The following CD226 variants were observed in gnomAD, a reference collection of about 807,000 sequenced individuals.
CD226 encodes the protein CD226 antigen.
CD226 carries 24 observed loss-of-function variants against 34.9 expected under a neutral mutation model. The observed-to-expected ratio is 0.69, with a 90% CI of 0.50 to 0.97. The LOEUF (loss-of-function observed/expected upper bound fraction) is 0.97. Ranked by LOEUF, CD226 falls within the 50% of genes least tolerant of loss-of-function variation. CD226 has a pLI of 0.00. For synonymous variants in CD226, 148 were observed against 147.4 expected (o/e 1.00, Z -0.03); for missense variants, 397 against 412.7 (o/e 0.96, Z 0.33).
chr18:69,878,881 G>C (rs1436255757), intron 3 of CD226, among the ~76,000 whole-genome samples: 2 of 152,100 alleles, frequency 1.3e-5, no homozygotes, highest in South Asian at 4.1e-4. Flanking sequence ...ATAATTCAAT[G>C]TAGGTTCTTT....
At position 69,859,105 on chromosome 18, in the gene CD226, A is replaced by G. The variant is rs1982700686; in HGVS notation, c.*5209T>C. The G allele has an allele frequency of 6.6e-6, 1 of 152,172 alleles. No homozygotes were observed. Among genetic ancestry groups the G allele is most frequent in the South Asian group, 2.1e-4 (1 of 4,820 alleles). 9.4% of individuals were successfully genotyped at this position (152,172 alleles called of 1,614,324 possible). On this transcript the variant is annotated 3_prime_UTR_variant, in exon 6 of 6. Coordinates refer to ENST00000582621, the MANE Select transcript of CD226 (RefSeq NM_001303618.2). ...CGTTAAACATTTACAACACGGAAAC[A>G]CATGTCCTTTTGTTCTGGAAAATGT...
upstream of CD226, among the ~76,000 whole-genome samples, chr18:69,952,068 TATCCACAATG>T (rs2055858934): frequency 6.6e-6 from 1 of 152,332 alleles, no homozygotes; most frequent in South Asian, 2.1e-4. Flanking sequence ...CTGTGGTATA[TATCCACAATG>T]GAATACTACA....
chr18:69,891,012 C>T (rs1309276248), intron 3 of CD226, among the ~76,000 whole-genome samples: 1 of 109,120 alleles, frequency 9.2e-6, no homozygotes, highest in Non-Finnish European at 1.8e-5. Context: ...CAGACAAAGA[C>T]ACCACAAAAA....
rs147765877 is a variant in CD226, at chr18:69,927,363, TACAC to T, written c.382+19367_382+19370del. Among the ~76,000 whole-genome samples the T allele has an allele frequency of 4.5e-4, 66 of 147,626 alleles. 1 individual carries two copies. The highest frequency in any genetic ancestry group is 1.2e-3 in the African/African-American group (49 of 40,788). ...TAGCAGCCTGAACAGACTAAGACAC[TACAC>T]ACACACACACACACACACACAAACA... On this transcript the variant is annotated intron_variant, in intron 2 of 5. Coordinates refer to ENST00000582621, the MANE Select transcript of CD226 (RefSeq NM_001303618.2).
chr18:69,919,362 C>T (rs1164087028), intron 2 of CD226, among the ~76,000 whole-genome samples: 1 of 152,056 alleles, frequency 6.6e-6, no homozygotes, highest in African/African-American at 2.4e-5. Context: ...AAAAAACTGA[C>T]CGTTTACATA....
At chr18:69,909,095 T>A (rs2055292327) in intron 2 of CD226, among the ~76,000 whole-genome samples, 1 of 152,240 alleles carries the variant, frequency 6.6e-6, no homozygotes, top group Non-Finnish European at 1.5e-5. Flanking sequence ...TTGTGTTGTT[T>A]TTTATTTGTT....
intron 2 of CD226, among the ~76,000 whole-genome samples, chr18:69,917,945 C>T (rs1253405702): frequency 6.6e-6 from 1 of 152,150 alleles, no homozygotes; most frequent in Non-Finnish European, 1.5e-5. Context: ...GAGCCCCTGG[C>T]TCTAAAACCT....
At chr18:69,927,464 T>G (rs1049573771) in intron 2 of CD226, among the ~76,000 whole-genome samples, 1 of 152,090 alleles carries the variant, frequency 6.6e-6, no homozygotes, top group Non-Finnish European at 1.5e-5. Context: ...ATATTCACAT[T>G]GTTGTATACC....
At chr18:69,949,466 A>G (rs991536433), upstream of CD226, among the ~76,000 whole-genome samples, 1 of 152,204 alleles carries the variant, frequency 6.6e-6, no homozygotes, top group African/African-American at 2.4e-5. Context: ...AGCAAAAATC[A>G]AACTACAAAT....
upstream of CD226, chr18:69,947,996 T>G (rs1011158431): frequency 1.3e-5 from 2 of 152,104 alleles, no homozygotes; most frequent in African/African-American, 4.8e-5. Context: ...TTTGCTTTGA[T>G]GAGGACCAAA....
intron 5 of CD226, among the ~76,000 whole-genome samples, chr18:69,864,666 T>C (rs190619712): frequency 1.4e-3 from 214 of 152,356 alleles, no homozygotes; most frequent in African/African-American, 5.0e-3. Context: ...TATTGTGCTA[T>C]GAATTACCTG....
chr18:69,882,231 T>C (rs559226977), intron 3 of CD226, among the ~76,000 whole-genome samples: 58 of 152,318 alleles, frequency 3.8e-4, no homozygotes, highest in African/African-American at 1.3e-3. Context: ...TGATGGCAAA[T>C]TATAGCAAAA....
At chr18:69,941,395 A>G (rs990785361) in intron 2 of CD226, among the ~76,000 whole-genome samples, 8 of 152,236 alleles carry the variant, frequency 5.3e-5, no homozygotes, top group African/African-American at 1.7e-4. Context: ...CTGTGAAAGC[A>G]GCCAAGAGGG....
rs1568149656 is a variant in CD226 at position 69,860,692 on chromosome 18, AT to A, written c.*3621del. On this transcript the variant is annotated 3_prime_UTR_variant, in exon 6 of 6. Coordinates refer to ENST00000582621, the MANE Select transcript of CD226 (RefSeq NM_001303618.2). ...CTCTAATGAACAGATCAGTGAAAAA[AT>A]ATACTTATACAGAAGTCTGAAGGTG... 1 of 152,160 alleles carries A rather than the reference AT, an allele frequency of 6.6e-6. No homozygotes were observed. The highest frequency in any genetic ancestry group is 2.4e-5 in the African/African-American group (1 of 41,442). The allele number at this position is 152,160 out of a possible 1,614,324, so 9.4% of individuals were successfully genotyped here.
rs1318428143 is a variant in CD226 at position 69,947,390 on chromosome 18, A to G, written c.17T>C (p.Leu6Ser). The change falls in exon 1 of 6, where the codon TTA becomes TCA. Residue 6 changes from leucine (L) to serine (S), a missense_variant. Transcript: ENST00000582621. MDYPTLLLALLHVYRA... is the reference protein window; with the variant it reads MDYPTSLLALLHVYRA... Reference sequence around the variant, plus strand: ...GTATACATGAAGAAGAGCCAAAAGTAAAGTAGGATAATCCATCTCTGGAAA... The same window carrying G: ...GTATACATGAAGAAGAGCCAAAAGTGAAGTAGGATAATCCATCTCTGGAAA... 1 of 1,588,596 alleles carries G rather than the reference A, an allele frequency of 6.3e-7. No individual in the cohort carries two copies. Among genetic ancestry groups the G allele is most frequent in the South Asian group, 1.2e-5 (1 of 86,672 alleles).
chr18:69,910,422 T>C (rs1207078921), intron 2 of CD226, among the ~76,000 whole-genome samples: 1 of 152,210 alleles, frequency 6.6e-6, no homozygotes, highest in Non-Finnish European at 1.5e-5. Context: ...ATTCCCAGTC[T>C]AATCATGAGT....
At chr18:69,940,841 T>C (rs1321673376) in intron 2 of CD226, among the ~76,000 whole-genome samples, 1 of 151,824 alleles carries the variant, frequency 6.6e-6, no homozygotes, top group Non-Finnish European at 1.5e-5. Context: ...ACCAAGACAA[T>C]GGGGAAAATG....
chr18:69,920,007 A>G (rs139859152), intron 2 of CD226, among the ~76,000 whole-genome samples: 1 of 151,876 alleles, frequency 6.6e-6, no homozygotes, highest in East Asian at 1.9e-4. Flanking sequence ...GGGACAACAG[A>G]CATGTGCCAC....
chr18:69,902,523 C>A (rs906282286), intron 2 of CD226, among the ~76,000 whole-genome samples: 2 of 151,364 alleles, frequency 1.3e-5, no homozygotes, highest in Non-Finnish European at 1.5e-5. Context: ...TCTGACCTCC[C>A]TCTGCTATCT....
Sources: gnomAD v4.1 joint callset for allele counts (sites outside exome capture counted in the v4.1 genomes callset) on GRCh38, gnomAD v4.1.1 for gene constraint, MANE v1.5 for transcripts, NCBI Gene and HGNC (gene_info 2026-07-23, HGNC 2026-07-21) for gene names.